The following ADAMTS6 variants were observed in gnomAD, a reference collection of about 807,000 sequenced individuals.
ADAMTS6 encodes the protein ADAM metallopeptidase with thrombospondin type 1 motif 6, also known as A disintegrin and metalloproteinase with thrombospondin motifs 6.
In ADAMTS6, 23 loss-of-function variants were observed where a neutral mutation model predicts 144.3. The ratio of observed to expected loss-of-function variants is 0.16; its 90% confidence interval spans 0.11 to 0.23. The LOEUF is 0.23. ADAMTS6 is among the 10% of genes least tolerant of loss of function. ADAMTS6 has a pLI of 1.00. For missense variants in ADAMTS6, 999 were observed against 1,379.6 expected (o/e 0.72, Z 4.37); for synonymous variants, 444 against 457.5 (o/e 0.97, Z 0.38).
In ADAMTS6 at chr5:65,188,201, A is replaced by G; in HGVS notation, c.2725T>C (p.Leu909=). The stretch of plus-strand genomic sequence containing the variant: ...CCATCACAAGTCTTGCTGCATTCCA[A>G]CCAATCCCCAATGAACCACCTGCAG... ...CPPEWFIGDW[L]ECSKTCDGGM... The change falls in exon 22 of 25, where the codon TTG becomes CTG. Residue 909 remains leucine (L), a synonymous_variant. Transcript: ENST00000381055. 7 of 1,613,952 alleles carry G rather than the reference A, an allele frequency of 4.3e-6. No homozygotes were observed. Among genetic ancestry groups the G allele is most frequent in the Non-Finnish European group, 5.9e-6 (7 of 1,180,000 alleles).
At chr5:65,318,115 G>A (rs966434388) in intron 9 of ADAMTS6, among the ~76,000 whole-genome samples, 11 of 148,698 alleles carry the variant, frequency 7.4e-5, no homozygotes, top group Non-Finnish European at 1.5e-4. Flanking sequence ...ATGGCAAACA[G>A]GCATACAAAA....
intron 24 of ADAMTS6, among the ~76,000 whole-genome samples, 184 bp downstream of exon 24, chr5:65,170,433 T>C (rs1234267035): frequency 6.6e-6 from 1 of 152,216 alleles, no homozygotes; most frequent in African/African-American, 2.4e-5. Flanking sequence ...AACAAGGTCA[T>C]AAAGTTACTT....
intron 9 of ADAMTS6, among the ~76,000 whole-genome samples, chr5:65,315,218 A>G (rs1744872689): frequency 6.6e-6 from 1 of 152,108 alleles, no homozygotes; most frequent in African/African-American, 2.4e-5. Context: ...TACATTACAC[A>G]TGAGGCAATT....
chr5:65,229,098 G>C (rs1186462523), intron 15 of ADAMTS6, among the ~76,000 whole-genome samples: 2 of 152,168 alleles, frequency 1.3e-5, no homozygotes, highest in East Asian at 1.9e-4. Flanking sequence ...ACACAACTTT[G>C]CAGGATTGGG....
intron 24 of ADAMTS6, among the ~76,000 whole-genome samples, chr5:65,162,169 CTTA>C (rs1455154356): frequency 7.2e-5 from 11 of 152,100 alleles, no homozygotes; most frequent in African/African-American, 2.4e-4. Context: ...AGTTTTGAAA[CTTA>C]TTATACATAA....
At chr5:65,204,524 C>T (rs991027055) in intron 20 of ADAMTS6, among the ~76,000 whole-genome samples, 2 of 152,168 alleles carry the variant, frequency 1.3e-5, no homozygotes, top group East Asian at 3.8e-4. Context: ...GGTTAAAGGA[C>T]ACTCTTCCTT....
At chr5:65,194,811 A>G (rs1476775784) in intron 21 of ADAMTS6, among the ~76,000 whole-genome samples, 1 of 152,150 alleles carries the variant, frequency 6.6e-6, no homozygotes, top group Non-Finnish European at 1.5e-5. Context: ...AAGTAACTTC[A>G]CTTCAGAACT....
intron 7 of ADAMTS6, among the ~76,000 whole-genome samples, chr5:65,345,749 C>G (rs976792825): frequency 3.3e-5 from 5 of 151,818 alleles, no homozygotes; most frequent in African/African-American, 1.2e-4. Flanking sequence ...TTCCTTTCTT[C>G]TTTCATACGA....
chr5:65,158,647 ATG>A (rs1752569247), intron 24 of ADAMTS6, among the ~76,000 whole-genome samples: 1 of 152,200 alleles, frequency 6.6e-6, no homozygotes, highest in African/African-American at 2.4e-5. Context: ...AGTATTGCAA[ATG>A]TACTGATACC....
intron 22 of ADAMTS6, among the ~76,000 whole-genome samples, chr5:65,179,293 T>C (rs746173334): frequency 1.5e-3 from 236 of 152,306 alleles, no homozygotes; most frequent in Non-Finnish European, 2.9e-3. Context: ...AACTTGTTTG[T>C]ATAATACTAT....
chr5:65,196,328 C>T (rs1227645911), intron 21 of ADAMTS6, among the ~76,000 whole-genome samples: 1 of 151,646 alleles, frequency 6.6e-6, no homozygotes. Flanking sequence ...CGAGGTGATC[C>T]TGGCTAACAC....
chr5:65,220,427 A>C (rs1246898501), intron 18 of ADAMTS6, among the ~76,000 whole-genome samples: 1 of 152,174 alleles, frequency 6.6e-6, no homozygotes, highest in Non-Finnish European at 1.5e-5. Context: ...AAACAAAGTG[A>C]ATAGAAAAAA....
intron 14 of ADAMTS6, among the ~76,000 whole-genome samples, chr5:65,246,627 A>G (rs893920955): frequency 9.9e-5 from 15 of 152,204 alleles, no homozygotes; most frequent in Non-Finnish European, 2.2e-4. Flanking sequence ...ATTTATGTAC[A>G]TATCTGTGAA....
chr5:65,454,213 A>G (rs567032340), intron 4 of ADAMTS6, among the ~76,000 whole-genome samples: 1 of 152,224 alleles, frequency 6.6e-6, no homozygotes, highest in Non-Finnish European at 1.5e-5. Context: ...CCCAGCATCC[A>G]GAACCATATG....
At chr5:65,457,745 C>CTT (rs1180960588) in intron 4 of ADAMTS6, among the ~76,000 whole-genome samples, 53 of 97,410 alleles carry the variant, frequency 5.4e-4, no homozygotes, top group African/African-American at 1.3e-3. Context: ...TTCTTTCTTT[C>CTT]TTTTTTTTTT....
intron 15 of ADAMTS6, among the ~76,000 whole-genome samples, chr5:65,235,701 C>G (rs1412841041): frequency 6.6e-6 from 1 of 152,178 alleles, no homozygotes; most frequent in Non-Finnish European, 1.5e-5. Context: ...CAGACTGGCT[C>G]TCCTTGCTCC....
intron 7 of ADAMTS6, among the ~76,000 whole-genome samples, chr5:65,403,184 A>AT (rs900578425): frequency 6.6e-6 from 1 of 152,014 alleles, no homozygotes; most frequent in Admixed American, 6.6e-5. Flanking sequence ...CTTTCTCGTG[A>AT]TTCTCTTTCT....
At chr5:65,457,638 C>T (rs1170133747) in intron 4 of ADAMTS6, among the ~76,000 whole-genome samples, 1 of 151,268 alleles carries the variant, frequency 6.6e-6, no homozygotes, top group Non-Finnish European at 1.5e-5. Flanking sequence ...AAAAGGTGAT[C>T]TTCTTTACAA....
At chr5:65,217,598 G>T (rs1483022842) in intron 18 of ADAMTS6, among the ~76,000 whole-genome samples, 2 of 151,996 alleles carry the variant, frequency 1.3e-5, no homozygotes, top group Non-Finnish European at 2.9e-5. Context: ...TATTGATGGA[G>T]AAAATAATTC....
Sources: allele counts gnomAD v4.1 joint callset (sites outside exome capture counted in the v4.1 genomes callset), GRCh38; gene constraint gnomAD v4.1.1; transcripts MANE v1.5; gene names NCBI Gene and HGNC (gene_info 2026-07-23, HGNC 2026-07-21).